ATG7: variants seen among roughly 807,000 people sequenced by gnomAD.
ATG7 encodes ubiquitin-like modifier-activating enzyme ATG7.
ATG7 carries 70 observed loss-of-function variants against 82.4 expected under a neutral mutation model. The observed-to-expected ratio is 0.85, with a 90% CI of 0.70 to 1.04. The LOEUF (loss-of-function observed/expected upper bound fraction) is 1.04, where lower values mean the gene tolerates loss of function less well. Among genes scored for constraint, ATG7 ranks in the 50% least tolerant of loss-of-function variants. The probability of loss-of-function intolerance (pLI) is 0.00; values close to 1 mark genes in which losing one functional copy is unlikely to be tolerated. For missense variants in ATG7, 792 were observed against 864.3 expected, an observed-to-expected ratio of 0.92 and a Z score of 1.05; for synonymous variants, 287 against 313.0, an observed-to-expected ratio of 0.92 and a Z score of 0.88.
At chr3:11,469,205 T>C (rs898545299) in intron 20 of ATG7, among the ~76,000 whole-genome samples, 2 of 152,056 alleles carry the variant, frequency 1.3e-5, no homozygotes, top group African/African-American at 4.8e-5. Flanking sequence ...ATCCCAGCAC[T>C]TTGGGAGGCC....
intron 9 of ATG7, among the ~76,000 whole-genome samples, chr3:11,324,254 A>G (rs1950571408): frequency 6.6e-6 from 1 of 152,220 alleles, no homozygotes; most frequent in African/African-American, 2.4e-5. Flanking sequence ...TATTTATGAA[A>G]AATATTTTTT....
chr3:11,551,493 G>A (rs114479980), intron 20 of ATG7, among the ~76,000 whole-genome samples: 1 of 152,326 alleles, frequency 6.6e-6, no homozygotes, highest in East Asian at 1.9e-4. Context: ...GATTCTTCTA[G>A]GACTGTCGCA....
intron 14 of ATG7, among the ~76,000 whole-genome samples, chr3:11,354,421 G>A (rs1028007727): frequency 2.0e-4 from 30 of 151,948 alleles, no homozygotes; most frequent in African/African-American, 6.8e-4. Flanking sequence ...AGGCTGAGGC[G>A]GGTGGATCAC....
In ATG7 at chr3:11,307,056, A is replaced by G. The variant is rs1680124334; in HGVS notation, c.329A>G (p.Asn110Ser). 1.2e-6 allele frequency: 2 copies of G among 1,612,078 alleles called. No individual in the cohort carries two copies. Among genetic ancestry groups the G allele is most frequent in the South Asian group, 1.1e-5 (1 of 91,050 alleles). Reference sequence around the variant, plus strand: ...AAGCTCCTTTTGGAACAAGCAGCAAATGAGGTTAGCTGTGAAAACGTGATG... The same window carrying G: ...AAGCTCCTTTTGGAACAAGCAGCAAGTGAGGTTAGCTGTGAAAACGTGATG... ...DKKLLLEQAA[N>S]EIWESIKSGT... The change falls in exon 6 of 21, where the codon AAT becomes AGT. Residue 110 changes from asparagine (N) to serine (S), a missense_variant. Physicochemically the swap from Asn to Ser is conservative, Grantham distance 46. Coordinates refer to ENST00000693202, the MANE Select transcript of ATG7 (RefSeq NM_001349232.2).
chr3:11,408,735 A>G (rs1439340312), intron 19 of ATG7, among the ~76,000 whole-genome samples: 1 of 152,192 alleles, frequency 6.6e-6, no homozygotes, highest in South Asian at 2.1e-4. Flanking sequence ...CCCATTAACT[A>G]TCATGAGAAC....
intron 20 of ATG7, among the ~76,000 whole-genome samples, chr3:11,532,164 T>G (rs1486828986): frequency 6.6e-6 from 1 of 152,188 alleles, no homozygotes; most frequent in East Asian, 1.9e-4. Flanking sequence ...AAAAGAAGAT[T>G]TGCTCATTCA....
chr3:11,419,695 C>T (rs768716544), intron 19 of ATG7, among the ~76,000 whole-genome samples: 3 of 152,070 alleles, frequency 2.0e-5, no homozygotes, highest in South Asian at 2.1e-4. Flanking sequence ...GGTGTGGGGG[C>T]GCTGAAATGC....
At chr3:11,527,689 A>C (rs544984109) in intron 20 of ATG7, among the ~76,000 whole-genome samples, 5 of 152,224 alleles carry the variant, frequency 3.3e-5, no homozygotes, top group Non-Finnish European at 7.3e-5. Context: ...AGAAAATTCT[A>C]TCCTAGAAAG....
At chr3:11,345,938 C>T (rs770420534) in intron 13 of ATG7, among the ~76,000 whole-genome samples, 5 of 152,150 alleles carry the variant, frequency 3.3e-5, no homozygotes, top group Admixed American at 1.3e-4. Flanking sequence ...ATTTTCCTAC[C>T]GCTTTTTCAC....
chr3:11,360,911 A>G (rs1239971143), intron 16 of ATG7, 127 bp downstream of exon 16: 21 of 1,087,410 alleles, frequency 1.9e-5, no homozygotes, highest in South Asian at 1.6e-4. Context: ...GAATTCTCCA[A>G]TTTGGGGAGG....
chr3:11,463,093 C>G (rs2086497131), intron 20 of ATG7, among the ~76,000 whole-genome samples: 1 of 152,052 alleles, frequency 6.6e-6, no homozygotes, highest in South Asian at 2.1e-4. Flanking sequence ...CCATGTTGAT[C>G]AGGCTGGTCT....
At chr3:11,342,676 AGC>A (rs1953847194) in intron 13 of ATG7, among the ~76,000 whole-genome samples, 1 of 152,162 alleles carries the variant, frequency 6.6e-6, no homozygotes, top group Non-Finnish European at 1.5e-5. Context: ...AAATGACTGT[AGC>A]TACCTTTCTG....
intron 9 of ATG7, among the ~76,000 whole-genome samples, chr3:11,320,211 C>G (rs1443260816): frequency 1.3e-5 from 2 of 152,084 alleles, no homozygotes; most frequent in African/African-American, 2.4e-5. Flanking sequence ...CTCACTCTTT[C>G]AAGGAAACCT....
At chr3:11,475,110 T>C (rs999262478) in intron 20 of ATG7, among the ~76,000 whole-genome samples, 3 of 151,106 alleles carry the variant, frequency 2.0e-5, no homozygotes, top group Non-Finnish European at 4.4e-5. Context: ...AGGTTTGGGG[T>C]GAATGCTGGG....
At chr3:11,334,071 C>T (rs763883219) in intron 11 of ATG7, among the ~76,000 whole-genome samples, 1 of 151,646 alleles carries the variant, frequency 6.6e-6, no homozygotes, top group African/African-American at 2.4e-5. Flanking sequence ...ATTTCTTACC[C>T]GGAATCCATG....
intron 20 of ATG7, among the ~76,000 whole-genome samples, chr3:11,447,338 G>C (rs576481098): frequency 1.3e-5 from 2 of 152,056 alleles, no homozygotes; most frequent in South Asian, 4.2e-4. Context: ...GTGGTGGCAG[G>C]CATCTGTAAT....
At chr3:11,359,867 A>C (rs1316326668) in intron 15 of ATG7, among the ~76,000 whole-genome samples, 1 of 146,374 alleles carries the variant, frequency 6.8e-6, no homozygotes, top group African/African-American at 2.5e-5. Flanking sequence ...AAACAAATCT[A>C]TGTGAACATG....
At chr3:11,418,212 C>T (rs543528677) in intron 19 of ATG7, among the ~76,000 whole-genome samples, 1 of 151,136 alleles carries the variant, frequency 6.6e-6, no homozygotes, top group African/African-American at 2.4e-5. Flanking sequence ...TTAAGCCATC[C>T]TCCCACCATA....
At position 11,555,920 on chromosome 3, in the gene ATG7, A is replaced by G. The variant is rs564289857; in HGVS notation, c.*1077A>G. ...TAGGATTTAGTAGGGTAGATTTCAA[A>G]TGAGGCTTCGCTTCTCCCAAAGTAG... On this transcript the variant is annotated 3_prime_UTR_variant, in exon 21 of 21. Transcript: ENST00000693202. 1 of 152,630 alleles carries G rather than the reference A, an allele frequency of 6.6e-6. No individual in the cohort carries two copies. Among genetic ancestry groups the G allele is most frequent in the South Asian group, 2.1e-4 (1 of 4,828 alleles). 9.5% of individuals were successfully genotyped at this position (152,630 alleles called of 1,614,324 possible).
Sources: allele counts gnomAD v4.1 joint callset (sites outside exome capture counted in the v4.1 genomes callset), GRCh38; gene constraint gnomAD v4.1.1; transcripts MANE v1.5; gene names NCBI Gene and HGNC (gene_info 2026-07-23, HGNC 2026-07-21).